Variants in GUCY1B1 observed in about 807,000 individuals in gnomAD.
GUCY1B1 encodes guanylate cyclase soluble subunit beta-1.
GUCY1B1 carries 43 observed loss-of-function variants against 71.0 expected under a neutral mutation model. That is an observed-to-expected ratio of 0.61 (90% CI 0.47 to 0.78). The LOEUF (loss-of-function observed/expected upper bound fraction) is 0.78. GUCY1B1 is among the 30% of genes least tolerant of loss of function. The pLI is 0.00. For missense variants in GUCY1B1, 535 were observed against 754.1 expected, an observed-to-expected ratio of 0.71 and a Z score of 3.40; for synonymous variants, 266 against 259.7, an observed-to-expected ratio of 1.02 and a Z score of -0.23.
At chr4:155,764,785 C>T (rs893195727) in intron 2 of GUCY1B1, among the ~76,000 whole-genome samples, 1 of 152,074 alleles carries the variant, frequency 6.6e-6, no homozygotes, top group Non-Finnish European at 1.5e-5. Flanking sequence ...AACTGGATGC[C>T]CAAGTGTATA....
intron 2 of GUCY1B1, among the ~76,000 whole-genome samples, chr4:155,765,222 C>A (rs1354173711): frequency 6.6e-6 from 1 of 152,134 alleles, no homozygotes; most frequent in Non-Finnish European, 1.5e-5. Context: ...TCTTGCCTTT[C>A]TCCAGAATAA....
intron 2 of GUCY1B1, among the ~76,000 whole-genome samples, chr4:155,771,759 T>G (rs188374690): frequency 7.9e-5 from 12 of 152,314 alleles, no homozygotes; most frequent in African/African-American, 2.2e-4. Flanking sequence ...TTCATAACAT[T>G]TTTTATACTT....
intron 6 of GUCY1B1, among the ~76,000 whole-genome samples, chr4:155,795,083 G>A (rs1173962101): frequency 6.6e-6 from 1 of 151,896 alleles, no homozygotes; most frequent in African/African-American, 2.4e-5. Context: ...GTAAATTTAT[G>A]CTAGCTTACA....
intron 2 of GUCY1B1, among the ~76,000 whole-genome samples, chr4:155,768,444 G>A (rs1486426408): frequency 7.2e-6 from 1 of 138,298 alleles, no homozygotes; most frequent in Non-Finnish European, 1.5e-5. Flanking sequence ...AGTAATGTTT[G>A]ATTACTTGTT....
chr4:155,789,648 C>A, intron 4 of GUCY1B1, 66 bp from the exon 5 acceptor site: 1 of 930,892 alleles, frequency 1.1e-6, no homozygotes, highest in Non-Finnish European at 1.7e-6. Context: ...TCATATCTTG[C>A]TTTCCCAGAG....
chr4:155,769,685 A>G (rs1459848), intron 2 of GUCY1B1, among the ~76,000 whole-genome samples: 56,578 of 151,860 alleles, frequency 0.37, 11,019 homozygotes, highest in African/African-American at 0.49. Flanking sequence ...AATCCAATTT[A>G]CTTAGAGTTT....
chr4:155,805,003 C>A, intron 12 of GUCY1B1, 100 bp from the exon 13 acceptor site: 1 of 1,032,776 alleles, frequency 9.7e-7, no homozygotes, highest in Non-Finnish European at 1.5e-6. Flanking sequence ...ACAACTTCAG[C>A]ATTTGTTCTT....
chr4:155,775,961 ACTAT>A (rs1738016844), intron 3 of GUCY1B1, among the ~76,000 whole-genome samples: 1 of 152,224 alleles, frequency 6.6e-6, no homozygotes, highest in Admixed American at 6.5e-5. Context: ...GAAAGCAAAC[ACTAT>A]CTATAGTAGA....
chr4:155,780,391 C>A (rs1209482340), intron 4 of GUCY1B1, among the ~76,000 whole-genome samples: 1 of 152,128 alleles, frequency 6.6e-6, no homozygotes, highest in Non-Finnish European at 1.5e-5. Flanking sequence ...TGGGAAGACG[C>A]CACTCCTCTC....
At chr4:155,791,898 A>G (rs1422472345) in intron 5 of GUCY1B1, among the ~76,000 whole-genome samples, 1 of 152,166 alleles carries the variant, frequency 6.6e-6, no homozygotes, top group Non-Finnish European at 1.5e-5. Flanking sequence ...TCAGAAAGAA[A>G]CACAAATTAG....
chr4:155,796,600 C>T, intron 8 of GUCY1B1, 90 bp downstream of exon 8: 1 of 836,822 alleles, frequency 1.2e-6, no homozygotes, highest in Non-Finnish European at 1.8e-6. Context: ...ATTAAATTTA[C>T]ATATTCTCTG....
rs1316742344 is a variant in GUCY1B1, at chr4:155,789,866, CA to C, written c.454del (p.Thr152GlnfsTer11). 6.2e-7 allele frequency: 1 copy of C among 1,612,976 alleles called. No homozygotes were observed. Among genetic ancestry groups the C allele is most frequent in the African/African-American group, 1.3e-5 (1 of 74,988 alleles). The stretch of plus-strand genomic sequence containing the variant: ...TTCAGGATATTGTCATTGGAATCAT[CA>C]AAACAGTGGCACAACAAATCCATGG... ...GLQDIVIGIIKTVAQQIHGTE... is the reference protein window; with the variant it reads ...GLQDIVIGIIXTVAQQIHGTE... On this transcript the variant is annotated frameshift_variant, in exon 5 of 14. Coordinates refer to ENST00000264424, the MANE Select transcript of GUCY1B1 (RefSeq NM_000857.5). LOFTEE classifies it high-confidence loss of function.
intron 6 of GUCY1B1, among the ~76,000 whole-genome samples, chr4:155,794,756 T>C (rs567325251): frequency 1.3e-5 from 2 of 152,232 alleles, no homozygotes; most frequent in Non-Finnish European, 2.9e-5. Context: ...GGAAGCAGAG[T>C]AGTGTGCTGT....
chr4:155,762,167 G>A (rs1737038011), intron 2 of GUCY1B1, among the ~76,000 whole-genome samples: 1 of 152,176 alleles, frequency 6.6e-6, no homozygotes, highest in African/African-American at 2.4e-5. Flanking sequence ...GCTGCCTGGG[G>A]AGAGGGGAGG....
intron 4 of GUCY1B1, among the ~76,000 whole-genome samples, chr4:155,781,963 C>T (rs1204951088): frequency 6.6e-6 from 1 of 152,100 alleles, no homozygotes; most frequent in Non-Finnish European, 1.5e-5. Context: ...GACCATATTT[C>T]AGTAAGAATT....
intron 4 of GUCY1B1, among the ~76,000 whole-genome samples, chr4:155,789,406 C>T (rs1409631816): frequency 2.0e-5 from 3 of 152,186 alleles, no homozygotes; most frequent in Admixed American, 2.0e-4. Flanking sequence ...TGTATCTTTG[C>T]CTTAGCCCTT....
intron 4 of GUCY1B1, among the ~76,000 whole-genome samples, chr4:155,779,453 G>A (rs184815381): frequency 6.6e-6 from 1 of 152,076 alleles, no homozygotes; most frequent in East Asian, 1.9e-4. Context: ...TTAATATTTT[G>A]GATATATTTG....
chr4:155,794,292 A>C (rs959873797), intron 6 of GUCY1B1, among the ~76,000 whole-genome samples: 2 of 152,198 alleles, frequency 1.3e-5, no homozygotes, highest in African/African-American at 4.8e-5. Context: ...TTTTATAATA[A>C]TCACATACAG....
chr4:155,780,189 C>G (rs750152116), intron 4 of GUCY1B1, among the ~76,000 whole-genome samples: 7 of 152,100 alleles, frequency 4.6e-5, no homozygotes, highest in Non-Finnish European at 8.8e-5. Context: ...CAATTGAAAC[C>G]TACATCCTTT....
Sources: gnomAD v4.1 joint callset for allele counts (sites outside exome capture counted in the v4.1 genomes callset) on GRCh38, gnomAD v4.1.1 for gene constraint, MANE v1.5 for transcripts, NCBI Gene and HGNC (gene_info 2026-07-23, HGNC 2026-07-21) for gene names.